PLXNA4: variants seen among roughly 807,000 people sequenced by gnomAD.
PLXNA4 encodes the protein plexin-A4.
In PLXNA4, 44 loss-of-function variants were observed where a neutral mutation model predicts 191.8. That is an observed-to-expected ratio of 0.23 (90% CI 0.18 to 0.29). The LOEUF is 0.29. PLXNA4 is among the 10% of genes least tolerant of loss of function. The pLI is 1.00. For missense variants in PLXNA4, 1,800 were observed against 2,488.8 expected (o/e 0.72, Z 5.89); for synonymous variants, 1,082 against 1,009.5 (o/e 1.07, Z -1.36).
At chr7:132,576,611 G>T, upstream of PLXNA4, 3 of 985,926 alleles carry the variant, frequency 3.0e-6, no homozygotes, top group Non-Finnish European at 3.6e-6. This position sits in a 1 kb window ranked among gnomAD's most constrained non-coding sequence, Gnocchi z 5.8. Flanking sequence ...CGAGGAACGC[G>T]GAGGGCGCCG....
chr7:132,611,474 A>G (rs1305174689), intron 2 of PLXNA4, among the ~76,000 whole-genome samples: 1 of 152,216 alleles, frequency 6.6e-6, no homozygotes, highest in African/African-American at 2.4e-5. Context: ...CCCGGTGCAC[A>G]CTTCTCAGTA....
chr7:132,467,359 G>A (rs138337868), intron 3 of PLXNA4, among the ~76,000 whole-genome samples: 135 of 152,254 alleles, frequency 8.9e-4, no homozygotes, highest in African/African-American at 3.1e-3. Flanking sequence ...TCAGGGTTCC[G>A]CCTGAGACCG....
At chr7:132,571,126 C>T (rs1325283033) in intron 1 of PLXNA4, among the ~76,000 whole-genome samples, 2 of 151,914 alleles carry the variant, frequency 1.3e-5, no homozygotes, top group Non-Finnish European at 2.9e-5. Flanking sequence ...AACCAAAGTG[C>T]CTCACTTGTG....
chr7:132,207,024 G>T (rs1469194847), intron 10 of PLXNA4, among the ~76,000 whole-genome samples: 1 of 152,166 alleles, frequency 6.6e-6, no homozygotes, highest in Non-Finnish European at 1.5e-5. Flanking sequence ...AAGCAAAAAT[G>T]AGACCTCGAT....
rs746123231 is a variant in PLXNA4 at position 132,241,181 on chromosome 7, T to A, written c.1504-15A>T. On this transcript the variant is annotated splice_polypyrimidine_tract_variant and intron_variant, in intron 4 of 31. Coordinates refer to ENST00000321063, the MANE Select transcript of PLXNA4 (RefSeq NM_020911.2). The stretch of plus-strand genomic sequence containing the variant: ...ACTCTGGTGAGCTAGGACAGCAGGA[T>A]AGGGAGAAGGTGGTCAAGATTTTGC... The A allele has an allele frequency of 6.3e-7, 1 of 1,599,714 alleles. No individual in the cohort carries two copies. The highest frequency in any genetic ancestry group is 8.6e-7 in the Non-Finnish European group (1 of 1,169,346).
intron 3 of PLXNA4, among the ~76,000 whole-genome samples, chr7:132,345,511 T>C (rs1803210804): frequency 6.6e-6 from 1 of 152,212 alleles, no homozygotes; most frequent in Non-Finnish European, 1.5e-5. Flanking sequence ...TATGTTATTG[T>C]CATCCCAACT....
intron 2 of PLXNA4, among the ~76,000 whole-genome samples, chr7:132,638,260 C>T (rs889569737): frequency 2.0e-5 from 3 of 152,096 alleles, no homozygotes; most frequent in Non-Finnish European, 2.9e-5. Flanking sequence ...CCCTGCTTAC[C>T]CCATGAGGTC....
intron 30 of PLXNA4, among the ~76,000 whole-genome samples, chr7:132,135,511 G>A (rs1795085367): frequency 6.6e-6 from 1 of 152,206 alleles, no homozygotes; most frequent in African/African-American, 2.4e-5. Context: ...CGAGGTGTAA[G>A]GAATCCTCGG....
chr7:132,439,988 A>ATGTG (rs1391575511), intron 3 of PLXNA4, among the ~76,000 whole-genome samples: 1 of 65,944 alleles, frequency 1.5e-5, no homozygotes, highest in South Asian at 8.8e-4. Context: ...GTGCATGTGC[A>ATGTG]TGTGTGAGTG....
intron 1 of PLXNA4, among the ~76,000 whole-genome samples, chr7:132,574,879 G>T (rs1028923174): frequency 6.6e-6 from 1 of 152,164 alleles, no homozygotes; most frequent in Non-Finnish European, 1.5e-5. Flanking sequence ...TAGCACTGAG[G>T]CCTCCTTGTT....
At chr7:132,487,954 A>G (rs1797627843) in intron 3 of PLXNA4, among the ~76,000 whole-genome samples, 1 of 152,238 alleles carries the variant, frequency 6.6e-6, no homozygotes, top group Non-Finnish European at 1.5e-5. Flanking sequence ...ACAATTCTTA[A>G]AAATGTGTAC....
chr7:132,220,959 G>T (rs1198705976), intron 9 of PLXNA4, among the ~76,000 whole-genome samples: 1 of 151,268 alleles, frequency 6.6e-6, no homozygotes, highest in African/African-American at 2.4e-5. Flanking sequence ...ACTACAGACA[G>T]GCATCGCCAT....
chr7:132,374,928 C>T (rs1007157052), intron 3 of PLXNA4, among the ~76,000 whole-genome samples: 4 of 152,224 alleles, frequency 2.6e-5, no homozygotes, highest in African/African-American at 9.6e-5. Context: ...GTGGGACAAG[C>T]TCTCTGTGTG....
At chr7:132,180,481 G>C (rs1562903090) in intron 19 of PLXNA4, 105 bp downstream of exon 19, 2 of 1,532,922 alleles carry the variant, frequency 1.3e-6, no homozygotes, top group Non-Finnish European at 1.8e-6. Context: ...TACAGGAAAA[G>C]TTCTTTGTGG....
At chr7:132,159,393 C>T in intron 25 of PLXNA4, 80 bp downstream of exon 25, 2 of 1,572,818 alleles carry the variant, frequency 1.3e-6, no homozygotes, top group Non-Finnish European at 1.7e-6. Context: ...CTACCCCAGC[C>T]CTGCCTCTGC....
At chr7:132,136,212 C>T (rs911075994) in intron 30 of PLXNA4, among the ~76,000 whole-genome samples, 2 of 152,292 alleles carry the variant, frequency 1.3e-5, no homozygotes, top group South Asian at 2.1e-4. Context: ...CCTGTTGTGC[C>T]GGCCCCAGTG....
At chr7:132,417,925 T>C (rs1794715659) in intron 3 of PLXNA4, among the ~76,000 whole-genome samples, 1 of 152,228 alleles carries the variant, frequency 6.6e-6, no homozygotes, top group Non-Finnish European at 1.5e-5. Context: ...TGCAACCACC[T>C]GGTCCTCTAA....
chr7:132,562,914 T>TTC (rs1801315931), intron 1 of PLXNA4, among the ~76,000 whole-genome samples: 1 of 32,316 alleles, frequency 3.1e-5, no homozygotes, highest in Non-Finnish European at 5.7e-5. Flanking sequence ...CCTCCTCCTC[T>TTC]TCCTCCTCCT....
chr7:132,244,347 G>C (rs965883527), intron 4 of PLXNA4, among the ~76,000 whole-genome samples: 3 of 152,202 alleles, frequency 2.0e-5, no homozygotes, highest in Non-Finnish European at 4.4e-5. Flanking sequence ...GTATAACAAT[G>C]GCACCAGGTC....
Sources: allele counts gnomAD v4.1 joint callset (sites outside exome capture counted in the v4.1 genomes callset), GRCh38; gene constraint gnomAD v4.1.1; non-coding constraint Gnocchi (gnomAD v3.1); transcripts MANE v1.5; gene names NCBI Gene and HGNC (gene_info 2026-07-23, HGNC 2026-07-21).